The following RRP9 variants were observed in gnomAD, a reference collection of about 807,000 sequenced individuals.
RRP9 encodes ribosomal RNA processing 9, U3 small nucleolar RNA binding protein.
Under a neutral mutation model 65.5 loss-of-function variants are expected in RRP9, and 35 were observed. The ratio of observed to expected loss-of-function variants is 0.53; its 90% confidence interval spans 0.41 to 0.71. RRP9 has a LOEUF of 0.71. Among genes scored for constraint, RRP9 ranks in the 30% least tolerant of loss-of-function variants. RRP9 has a pLI of 0.00. For synonymous variants in RRP9, 254 were observed against 245.0 expected (o/e 1.04, Z -0.34); for missense variants, 533 against 633.6 (o/e 0.84, Z 1.70).
In RRP9 at chr3:51,934,291, T is replaced by G. The variant is rs1699425654; in HGVS notation, c.1260+181A>C. ...GTACCCCAGCACCCTGGACAGGGCCTAGGATAGGAAGGGGAGCAGAGGAGG... is the reference window on the plus strand; with the variant it reads ...GTACCCCAGCACCCTGGACAGGGCCGAGGATAGGAAGGGGAGCAGAGGAGG... On this transcript the variant is annotated intron_variant, in intron 13 of 14. Coordinates refer to ENST00000232888, the MANE Select transcript of RRP9 (RefSeq NM_004704.5). The surrounding 1 kb of genome is among the most constrained non-coding windows in gnomAD (Gnocchi z 4.1). 6.6e-6 allele frequency among the ~76,000 whole-genome samples: 1 copy of G among 152,030 alleles called. No individual in the cohort carries two copies. The highest frequency in any genetic ancestry group is 6.5e-5 in the Admixed American group (1 of 15,276).
chr3:51,941,390 G>A lies in RRP9; in HGVS notation c.170+19C>T. 4.4e-6 allele frequency: 7 copies of A among 1,608,858 alleles called. No individual in the cohort carries two copies. The highest frequency in any genetic ancestry group is 2.7e-5 in the African/African-American group (2 of 74,918). ...GGGACTCAGTTTTCCCTCCCACTAT[G>A]TGGAAAAGAATAGCTCACCTCTCGC... is the stretch of plus-strand genomic sequence containing the variant. On this transcript the variant is annotated intron_variant, in intron 2 of 14. Transcript: ENST00000232888.
chr3:51,935,746 A>G, intron 8 of RRP9, 54 bp from the exon 9 acceptor site: 2 of 1,473,238 alleles, frequency 1.4e-6, no homozygotes, highest in South Asian at 1.1e-5. Context: ...CAGGCGAGAG[A>G]CAGGTCAGGC....
At position 51,935,674 on chromosome 3, in the gene RRP9, C is replaced by T. The variant is rs1371799819; in HGVS notation, c.754G>A (p.Gly252Ser). The T allele has an allele frequency of 6.2e-7, 1 of 1,614,038 alleles. No individual in the cohort carries two copies. Among genetic ancestry groups the T allele is most frequent in the African/African-American group, 1.3e-5 (1 of 74,916 alleles). Residue 252 changes from glycine (G) to serine (S), a missense_variant, in exon 9 of 15, where the codon GGC becomes AGC. Transcript: ENST00000232888. ...DAVSGLAFRR[G>S]THQLYSTSHD... ...GATGTGCTGTAGAGCTGGTGGGTGC[C>T]TCTGCGGAATGCCAGACCCTAAGGG... is the stretch of plus-strand genomic sequence containing the variant.
Position 51,934,347 on chromosome 3 carries a change from T to G in RRP9, c.1260+125A>C. On this transcript the variant is annotated intron_variant, in intron 13 of 14. Transcript: ENST00000232888. This position sits in a 1 kb window ranked among gnomAD's most constrained non-coding sequence, Gnocchi z 4.1. Reference sequence around the variant, plus strand: ...TGGGGAGGGTTCCTGCCAGGCCCTGTGCTAGGAGCTGGCCCTGCCCTGAGA... The same window carrying G: ...TGGGGAGGGTTCCTGCCAGGCCCTGGGCTAGGAGCTGGCCCTGCCCTGAGA... The G allele has an allele frequency of 1.7e-5, 16 of 935,518 alleles. No homozygotes were observed. Among genetic ancestry groups the G allele is most frequent in the Non-Finnish European group, 2.4e-5 (15 of 622,782 alleles). The allele number at this position is 935,518 out of a possible 1,614,324, so 58.0% of individuals were successfully genotyped here.
rs924195433 is a variant in RRP9, at chr3:51,933,459, G to C, written c.*47C>G. The C allele has an allele frequency of 9.4e-6, 14 of 1,489,148 alleles. No homozygotes were observed. The highest frequency in any genetic ancestry group is 1.3e-5 in the Non-Finnish European group (14 of 1,071,416). 92.2% of individuals were successfully genotyped at this position (1,489,148 alleles called of 1,614,324 possible). A position where few individuals can be genotyped will look rare whatever the true frequency, so the allele number is the denominator to read the frequency against. On this transcript the variant is annotated 3_prime_UTR_variant, in exon 15 of 15. Transcript: ENST00000232888. ...AAAGAGGAGGCTTTTAATACAAAGA[G>C]GGTGGGGCATAGCCTGGGAAGGACT...
Position 51,936,543 on chromosome 3 carries a change from C to T in RRP9, c.530G>A (p.Ser177Asn), listed in dbSNP as rs1258587539. 1.9e-6 allele frequency: 3 copies of T among 1,614,008 alleles called. No individual in the cohort carries two copies. Among genetic ancestry groups the T allele is most frequent in the South Asian group, 1.1e-5 (1 of 91,072 alleles). Residue 177 changes from serine (S) to asparagine (N), a missense_variant, in exon 7 of 15, where the codon AGT becomes AAT. Physicochemically the swap from Ser to Asn is conservative, Grantham distance 46. Around this residue, in one of 3 missense-constraint regions of RRP9, gnomAD observed 449 missense variants for 550.6 expected, o/e 0.82. Transcript: ENST00000232888. ...AGGAATCACATGCAGCTTCCGTCCA[C>T]TCTCCACGCTCCCTGCAGTTGGGGG... ...DCSIIKWSVE[S>N]GRKLHVIPRA...
In RRP9 at chr3:51,934,686, C is replaced by T. The variant is rs750173893; in HGVS notation, c.1125G>A (p.Gln375=). ...CTGCCACCGACGATATCCAGAAGGGCTGCTCCAGGCCTGGCTCTCCCCGCA... is the reference window on the plus strand; with the variant it reads ...CTGCCACCGACGATATCCAGAAGGGTTGCTCCAGGCCTGGCTCTCCCCGCA... The part of the protein sequence containing the change: ...HGLRGEPGLE[Q]PFWISSVAAL... Residue 375 remains glutamine, a synonymous_variant, in exon 12 of 15, where the codon CAG becomes CAA. Transcript: ENST00000232888. This position sits in a 1 kb window ranked among gnomAD's most constrained non-coding sequence, Gnocchi z 4.1. The T allele has an allele frequency of 3.1e-6, 5 of 1,614,052 alleles. No individual in the cohort carries two copies. Among genetic ancestry groups the T allele is most frequent in the East Asian group, 4.5e-5 (2 of 44,882 alleles).
In RRP9 at chr3:51,937,852, G is replaced by T; in HGVS notation, c.281-116C>A. 1 of 1,298,000 alleles carries T rather than the reference G, an allele frequency of 7.7e-7. No homozygotes were observed. The highest frequency in any genetic ancestry group is 1.1e-6 in the Non-Finnish European group (1 of 923,648). The allele number at this position is 1,298,000 out of a possible 1,614,324, so 80.4% of individuals were successfully genotyped here. On this transcript the variant is annotated intron_variant, in intron 3 of 14. Transcript: ENST00000232888. The surrounding 1 kb of genome is among the most constrained non-coding windows in gnomAD (Gnocchi z 5.0). ...AATGCAGGAAGCTCCAGCTGCCTCA[G>T]CAGAGGGGAGGGCAAGCTGGAGGGT...
At position 51,935,420 on chromosome 3, in the gene RRP9, A is replaced by G. The variant is rs200913668; in HGVS notation, c.893T>C (p.Val298Ala). ...ALDALSRECC[V>A]TAGGRDGTVR... is the part of the protein sequence containing the mutation. ...AGTCCCATCCCGGCCCCCAGCCGTC[A>G]CACAGCACTCCCGGCTCAAGGCATC... Residue 298 changes from valine to alanine, a missense_variant, in exon 10 of 15, where the codon GTG becomes GCG. This residue lies in a region of RRP9 where 449 missense variants were observed against 550.6 expected (regional missense o/e 0.82). Transcript: ENST00000232888. 20 of 1,614,038 alleles carry G rather than the reference A, an allele frequency of 1.2e-5. No individual in the cohort carries two copies. Among genetic ancestry groups the G allele is most frequent in the Middle Eastern group, 1.6e-4 (1 of 6,084 alleles).
At chr3:51,939,173 G>A (rs1298704680) in intron 2 of RRP9, among the ~76,000 whole-genome samples, 3 of 152,070 alleles carry the variant, frequency 2.0e-5, no homozygotes, top group South Asian at 4.1e-4. Context: ...AGACTCACTC[G>A]TAAACCTGCC....
At chr3:51,938,267 G>A (rs1699481364) in intron 2 of RRP9, 63 bp from the exon 3 acceptor site, 7 of 1,297,628 alleles carry the variant, frequency 5.4e-6, no homozygotes, top group Non-Finnish European at 7.4e-6. Context: ...CTAGGATCGT[G>A]CCTTCTGGAT....
intron 2 of RRP9, among the ~76,000 whole-genome samples, chr3:51,941,008 C>T (rs995435036): frequency 6.6e-6 from 1 of 152,236 alleles, no homozygotes; most frequent in Non-Finnish European, 1.5e-5. Context: ...CTTCACCCGC[C>T]TGCCTATCTC....
rs1284947042 is a variant in RRP9 at position 51,938,265 on chromosome 3, G to A, written c.171-61C>T. The A allele has an allele frequency of 3.7e-5, 49 of 1,307,404 alleles. No individual in the cohort carries two copies. The Middle Eastern group carries it at 7.4e-4, about 20-fold the overall frequency. 81.0% of individuals were successfully genotyped at this position (1,307,404 alleles called of 1,614,324 possible). A position where few individuals can be genotyped will look rare whatever the true frequency, so the allele number is the denominator to read the frequency against. Reference sequence around the variant, plus strand: ...CCTTGTTCCTCTGACCGCTAGGATCGTGCCTTCTGGATGCTCACCTTGCCA... The same window carrying A: ...CCTTGTTCCTCTGACCGCTAGGATCATGCCTTCTGGATGCTCACCTTGCCA... On this transcript the variant is annotated intron_variant, in intron 2 of 14. Transcript: ENST00000232888.
At chr3:51,940,204 C>T (rs942671793) in intron 2 of RRP9, among the ~76,000 whole-genome samples, 2 of 151,914 alleles carry the variant, frequency 1.3e-5, no homozygotes, top group African/African-American at 4.8e-5. Context: ...TGCAGTGAGC[C>T]GAGATCGCAC....
intron 2 of RRP9, among the ~76,000 whole-genome samples, chr3:51,940,806 C>T (rs1382944223): frequency 6.6e-6 from 1 of 152,164 alleles, no homozygotes; most frequent in Non-Finnish European, 1.5e-5. Flanking sequence ...AGTTACCAGG[C>T]CCAGCCCCCT....
Position 51,941,797 on chromosome 3 carries a change from C to T in RRP9, c.71G>A (p.Gly24Asp). 6.4e-7 allele frequency: 1 copy of T among 1,567,914 alleles called. No homozygotes were observed. The stretch of plus-strand genomic sequence containing the variant: ...CATGCTCACCTTTCGCCGCCGCTTG[C>T]CGGCCCCCGCGCCAGCCCCGGCCCC... The part of the protein sequence containing the change: ...ASGAGAGAGA[G>D]KRRRKADSAG... The change falls in exon 1 of 15, where the codon GGC (glycine) becomes GAC (aspartate). Residue 24 changes from glycine (G) to aspartate (D), a missense_variant. By Grantham distance (94) the Gly-to-Asp change is moderately conservative (BLOSUM62 -1). Transcript: ENST00000232888.
Position 51,941,432 on chromosome 3 carries a change from G to T in RRP9, c.147C>A (p.Ile49=). The part of the protein sequence containing the change: ...SKGGGKMNEE[I]SSDSESESLA... ...ACCTCTCGCTCTCAGAGTCGCTGGA[G>T]ATCTCCTCATTCATCTTGCCGCCAC... The change falls in exon 2 of 15, where the codon ATC becomes ATA. Residue 49 remains isoleucine, a synonymous_variant. Transcript: ENST00000232888. 6.2e-7 allele frequency: 1 copy of T among 1,614,128 alleles called. No homozygotes were observed. The highest frequency in any genetic ancestry group is 1.1e-5 in the South Asian group (1 of 91,092).
chr3:51,941,308 G>C (rs566780629), intron 2 of RRP9, 101 bp downstream of exon 2: 3 of 1,004,036 alleles, frequency 3.0e-6, no homozygotes, highest in East Asian at 4.8e-5. Flanking sequence ...CCAAGGGACA[G>C]AGTCTTGGAT....
chr3:51,937,882 T>A lies in RRP9; in HGVS notation c.281-146A>T. On this transcript the variant is annotated intron_variant, in intron 3 of 14. Transcript: ENST00000232888. This position sits in a 1 kb window ranked among gnomAD's most constrained non-coding sequence, Gnocchi z 5.0. ...GGGGAGGGCAAGCTGGAGGGTTTCC[T>A]CCTGCCTTTACTTATCAGATCAGCC... is the stretch of plus-strand genomic sequence containing the variant. 9.1e-7 allele frequency: 1 copy of A among 1,094,248 alleles called. No homozygotes were observed. The highest frequency in any genetic ancestry group is 1.3e-6 in the Non-Finnish European group (1 of 758,492). 67.8% of individuals were successfully genotyped at this position (1,094,248 alleles called of 1,614,324 possible).
Sources: allele counts gnomAD v4.1 joint callset (sites outside exome capture counted in the v4.1 genomes callset), GRCh38; gene constraint gnomAD v4.1.1; regional missense constraint gnomAD v4.1.1; non-coding constraint Gnocchi (gnomAD v3.1); transcripts MANE v1.5; gene names NCBI Gene and HGNC (gene_info 2026-07-23, HGNC 2026-07-21).